Variants in GRAMD1C observed in about 807,000 individuals in gnomAD.
GRAMD1C encodes the protein protein Aster-C.
A neutral mutation model predicts 97.8 loss-of-function variants in GRAMD1C; 89 were observed. The observed-to-expected ratio is 0.91, with a 90% CI of 0.77 to 1.09. GRAMD1C has a LOEUF of 1.09. Among genes scored for constraint, GRAMD1C ranks in the 50% least tolerant of loss-of-function variants. The probability of loss-of-function intolerance (pLI) is 0.00; values close to 1 mark genes in which losing one functional copy is unlikely to be tolerated. For synonymous variants in GRAMD1C, 256 were observed against 267.0 expected (o/e 0.96, Z 0.40); for missense variants, 740 against 766.4 (o/e 0.97, Z 0.41).
intron 2 of GRAMD1C, chr3:113,850,278 T>G (rs1208630896): frequency 1.5e-6 from 1 of 673,712 alleles, no homozygotes; most frequent in East Asian, 3.1e-5. Flanking sequence ...AATCTGCCTT[T>G]AAACTGGAAT....
intron 9 of GRAMD1C, among the ~76,000 whole-genome samples, chr3:113,915,484 A>G (rs34478539): frequency 0.077 from 11,800 of 152,264 alleles, 631 homozygotes; most frequent in Non-Finnish European, 0.12. Context: ...TTAGTTAACT[A>G]TATATTGTTA....
chr3:113,890,751 C>T (rs777122764), intron 6 of GRAMD1C: 17 of 700,166 alleles, frequency 2.4e-5, no homozygotes, highest in East Asian at 1.9e-4. Context: ...TTGTGCTTAT[C>T]ACACACATGT....
rs144403884 is a variant in GRAMD1C, at chr3:113,857,141, A to G, written c.175-12366A>G. ...GGCGTGAGCCACCATGCTCAGCCCT[A>G]TATGTCTTTTATTTCCTTAAAAAAA... On this transcript the variant is annotated intron_variant, in intron 2 of 17. Transcript: ENST00000358160. 7.2e-4 allele frequency among the ~76,000 whole-genome samples: 109 copies of G among 151,414 alleles called. 2 individuals are homozygous for G. Among genetic ancestry groups the G allele is most frequent in the Admixed American group, 1.7e-3 (25 of 15,136 alleles).
intron 5 of GRAMD1C, among the ~76,000 whole-genome samples, chr3:113,877,382 A>T (rs1313708060): frequency 6.6e-6 from 1 of 152,212 alleles, no homozygotes; most frequent in Non-Finnish European, 1.5e-5. Context: ...TTCAATTTCC[A>T]TAACTATCCC....
chr3:113,829,776 C>T (rs1252314382), intron 1 of GRAMD1C, among the ~76,000 whole-genome samples: 1 of 151,978 alleles, frequency 6.6e-6, no homozygotes, highest in Non-Finnish European at 1.5e-5. Flanking sequence ...CTGAGAAATG[C>T]GTCATTAGGC....
chr3:113,878,905 G>T (rs1401157812), intron 5 of GRAMD1C, among the ~76,000 whole-genome samples: 1 of 151,950 alleles, frequency 6.6e-6, no homozygotes, highest in African/African-American at 2.4e-5. Context: ...TGACACAGAG[G>T]CTCTCATGTA....
chr3:113,915,569 C>T (rs1936779813), intron 9 of GRAMD1C, 132 bp from the exon 10 acceptor site: 3 of 631,350 alleles, frequency 4.8e-6, no homozygotes, highest in East Asian at 5.6e-5. Flanking sequence ...AGAATGTTCT[C>T]CTCATTGTAA....
intron 2 of GRAMD1C, among the ~76,000 whole-genome samples, chr3:113,860,935 C>T (rs946203816): frequency 2.0e-5 from 3 of 148,676 alleles, no homozygotes; most frequent in Non-Finnish European, 4.4e-5. Flanking sequence ...CATTGCACTA[C>T]AGCCTGGGGC....
chr3:113,856,369 T>C (rs950665290), intron 2 of GRAMD1C, among the ~76,000 whole-genome samples: 2 of 152,132 alleles, frequency 1.3e-5, no homozygotes, highest in African/African-American at 4.8e-5. Flanking sequence ...TAGTACAATA[T>C]CACAATTAAG....
At chr3:113,871,743 T>TCA (rs1934818354) in intron 3 of GRAMD1C, among the ~76,000 whole-genome samples, 1 of 33,050 alleles carries the variant, frequency 3.0e-5, no homozygotes, top group East Asian at 1.5e-3. Flanking sequence ...AGACTCTGTC[T>TCA]CAAAAAAAAA....
At chr3:113,853,725 A>C (rs561524516) in intron 2 of GRAMD1C, among the ~76,000 whole-genome samples, 1 of 152,384 alleles carries the variant, frequency 6.6e-6, no homozygotes, top group African/African-American at 2.4e-5. Context: ...ACAAACATGT[A>C]CTATGTCAGG....
At chr3:113,890,140 A>T (rs748578815) in intron 6 of GRAMD1C, among the ~76,000 whole-genome samples, 1 of 152,002 alleles carries the variant, frequency 6.6e-6, no homozygotes, top group Admixed American at 6.6e-5. Flanking sequence ...TGGAGTGGGG[A>T]CCCTTGGAGA....
At chr3:113,923,658 G>C (rs569662032) in intron 10 of GRAMD1C, among the ~76,000 whole-genome samples, 3 of 152,286 alleles carry the variant, frequency 2.0e-5, no homozygotes, top group Admixed American at 2.0e-4. Context: ...TGTGCTGCTG[G>C]ATTCAGTTTG....
chr3:113,900,097 G>A (rs1317872825), intron 6 of GRAMD1C, among the ~76,000 whole-genome samples: 7 of 151,978 alleles, frequency 4.6e-5, no homozygotes, highest in South Asian at 4.2e-4. Flanking sequence ...CATGTCTCAC[G>A]CCTATAATAT....
chr3:113,913,429 C>CAAAAAAAAA (rs765510213), intron 9 of GRAMD1C, among the ~76,000 whole-genome samples: 1 of 68,298 alleles, frequency 1.5e-5, no homozygotes, highest in Non-Finnish European at 2.8e-5. Flanking sequence ...ACTCTGTCTC[C>CAAAAAAAAA]AAAAAAAAAA....
rs941935119 is a variant in GRAMD1C, at chr3:113,877,193, C to T, written c.459+933C>T. ...TATCCCTATAGAACACTTGCAAATG[C>T]AGTACAAAGAGCTTTTGCTCCTGCA... On this transcript the variant is annotated intron_variant, in intron 5 of 17. Coordinates refer to ENST00000358160, the MANE Select transcript of GRAMD1C (RefSeq NM_017577.5). 5.9e-5 allele frequency among the ~76,000 whole-genome samples: 9 copies of T among 152,312 alleles called. No homozygotes were observed. The East Asian group carries it at 1.5e-3, about 26-fold the overall frequency.
At chr3:113,839,073 GA>G in intron 1 of GRAMD1C, 137 bp downstream of exon 1, 1 of 572,952 alleles carries the variant, frequency 1.7e-6, no homozygotes, top group Non-Finnish European at 2.6e-6. Context: ...GAGTAATACG[GA>G]AAGTTGTTAC....
intron 10 of GRAMD1C, among the ~76,000 whole-genome samples, chr3:113,920,938 G>A (rs143527089): frequency 2.4e-4 from 37 of 152,192 alleles, no homozygotes; most frequent in African/African-American, 8.7e-4. Context: ...TAGTTTCAAG[G>A]GTACATGTGC....
chr3:113,939,241 A>G (rs998974195), intron 15 of GRAMD1C: 7 of 152,218 alleles, frequency 4.6e-5, no homozygotes, highest in Non-Finnish European at 1.0e-4. Flanking sequence ...TATATATGGT[A>G]TGTAACCATT....
Sources: gnomAD v4.1 joint callset for allele counts (sites outside exome capture counted in the v4.1 genomes callset) on GRCh38, gnomAD v4.1.1 for gene constraint, MANE v1.5 for transcripts, NCBI Gene and HGNC (gene_info 2026-07-23, HGNC 2026-07-21) for gene names.